STK38L: variants seen among roughly 807,000 people sequenced by gnomAD.
STK38L encodes the protein serine/threonine kinase 38 like.
In STK38L, 28 loss-of-function variants were observed where a neutral mutation model predicts 59.7. The observed-to-expected ratio is 0.47, with a 90% CI of 0.35 to 0.64. STK38L has a LOEUF of 0.64. STK38L is among the 30% of genes least tolerant of loss of function. The pLI is 0.01. For synonymous variants in STK38L, 162 were observed against 176.8 expected (o/e 0.92, Z 0.66); for missense variants, 314 against 555.8 (o/e 0.56, Z 4.37).
chr12:27,319,458 G>A, intron 12 of STK38L, 35 bp downstream of exon 12: 2 of 1,486,866 alleles, frequency 1.3e-6, no homozygotes, highest in Admixed American at 1.9e-5. Flanking sequence ...AAAGGTCTGA[G>A]TAAAAACAAA....
Position 27,322,324 on chromosome 12 carries a change from C to T in STK38L, c.1268-4C>T. On this transcript the variant is annotated splice_region_variant and splice_polypyrimidine_tract_variant and intron_variant, in intron 13 of 13. Transcript: ENST00000389032. ...TGAAATTCCTTTATTTTTTCTCTTTCTAGTGCCAAATACCACAGAACCGGA... is the reference window on the plus strand; with the variant it reads ...TGAAATTCCTTTATTTTTTCTCTTTTTAGTGCCAAATACCACAGAACCGGA... 6.2e-7 allele frequency: 1 copy of T among 1,612,804 alleles called. No homozygotes were observed. Among genetic ancestry groups the T allele is most frequent in the Non-Finnish European group, 8.5e-7 (1 of 1,179,608 alleles).
rs935214327 is a variant in STK38L, at chr12:27,294,347, C to T, written c.-11-3363C>T. Among the ~76,000 whole-genome samples the T allele has an allele frequency of 2.0e-4, 31 of 151,936 alleles. 1 individual carries two copies. The highest frequency in any genetic ancestry group is 3.4e-3 in the Middle Eastern group (1 of 294). On this transcript the variant is annotated intron_variant, in intron 1 of 13. Coordinates refer to ENST00000389032, the MANE Select transcript of STK38L (RefSeq NM_015000.4). ...CCAGCCTGGCCAACTTGGTGAAACC[C>T]CATCTCTACTAAATATACAAACATT...
chr12:27,260,746 C>G (rs989518437), intron 1 of STK38L, among the ~76,000 whole-genome samples: 1 of 152,146 alleles, frequency 6.6e-6, no homozygotes, highest in Non-Finnish European at 1.5e-5. Flanking sequence ...CCTCTCCCAG[C>G]CCCTATACTT....
At chr12:27,321,685 A>G (rs1388679744) in intron 12 of STK38L, among the ~76,000 whole-genome samples, 1 of 152,168 alleles carries the variant, frequency 6.6e-6, no homozygotes, top group Admixed American at 6.6e-5. Context: ...TGCTTAATGG[A>G]TACAAAAAAA....
intron 1 of STK38L, among the ~76,000 whole-genome samples, chr12:27,255,260 G>A (rs947929459): frequency 1.3e-5 from 2 of 152,174 alleles, no homozygotes; most frequent in African/African-American, 4.8e-5. Context: ...CTAACCAAGA[G>A]TGTAACTGGA....
chr12:27,300,453 A>G, intron 2 of STK38L: 1 of 438,130 alleles, frequency 2.3e-6, no homozygotes. Flanking sequence ...GCAATAACTG[A>G]GGAAAGGGAC....
intron 2 of STK38L, among the ~76,000 whole-genome samples, chr12:27,298,919 A>G (rs938020278): frequency 4.6e-5 from 7 of 152,242 alleles, no homozygotes; most frequent in African/African-American, 1.7e-4. Flanking sequence ...CAGAAGAATC[A>G]AATGAAAACA....
At chr12:27,266,795 A>G (rs1388122654) in intron 1 of STK38L, among the ~76,000 whole-genome samples, 1 of 152,202 alleles carries the variant, frequency 6.6e-6, no homozygotes, top group Non-Finnish European at 1.5e-5. Flanking sequence ...TATCTGAAAT[A>G]CAAATCCAAG....
chr12:27,312,451 T>G, intron 5 of STK38L, 98 bp from the exon 6 acceptor site: 2 of 1,312,262 alleles, frequency 1.5e-6, no homozygotes, highest in Non-Finnish European at 2.1e-6. Flanking sequence ...ACTCCATCTT[T>G]CCTTCATTAA....
intron 1 of STK38L, among the ~76,000 whole-genome samples, chr12:27,254,093 T>G (rs898800): frequency 0.078 from 11,819 of 152,234 alleles, 575 homozygotes; most frequent in Middle Eastern, 0.15. Flanking sequence ...AATCCTTTTC[T>G]TTGATGAAGC....
chr12:27,281,365 G>C lies in STK38L; in HGVS notation c.-11-16345G>C, dbSNP rs1332991973. 2.0e-5 allele frequency among the ~76,000 whole-genome samples: 3 copies of C among 149,074 alleles called. 1 individual carries two copies. The highest frequency in any genetic ancestry group is 4.5e-5 in the Non-Finnish European group (3 of 67,174). ...CTCCCAAAGTGCTGGGATTACAGGC[G>C]TGAGCCACCGCGCCCGGCCCGGCTT... On this transcript the variant is annotated intron_variant, in intron 1 of 13. Transcript: ENST00000389032.
At position 27,323,321 on chromosome 12, in the gene STK38L, A is replaced by G. The variant is rs1944773836; in HGVS notation, c.*866A>G. On this transcript the variant is annotated 3_prime_UTR_variant, in exon 14 of 14. Transcript: ENST00000389032. ...GGTGAGTTGAATTTAAGACATGACC[A>G]TGAAGGCTGCTTGTAGAATTAGTGT... is the stretch of plus-strand genomic sequence containing the variant. 1 of 152,492 alleles carries G rather than the reference A, an allele frequency of 6.6e-6. No homozygotes were observed. Among genetic ancestry groups the G allele is most frequent in the African/African-American group, 2.4e-5 (1 of 41,456 alleles). The allele number at this position is 152,492 out of a possible 1,614,324, so 9.4% of individuals were successfully genotyped here. A position where few individuals can be genotyped will look rare whatever the true frequency, so the allele number is the denominator to read the frequency against.
At chr12:27,256,951 G>C (rs11048953) in intron 1 of STK38L, among the ~76,000 whole-genome samples, 3,540 of 152,172 alleles carry the variant, frequency 0.023, 136 homozygotes, top group African/African-American at 0.08. Context: ...AGGAACATAG[G>C]GCTTCTCAGA....
At position 27,277,354 on chromosome 12, in the gene STK38L, A is replaced by AACAC. The variant is rs138808945; in HGVS notation, c.-11-20344_-11-20341dup. 2.6e-3 allele frequency among the ~76,000 whole-genome samples: 389 copies of AACAC among 150,110 alleles called. 2 individuals are homozygous for AACAC. The highest frequency in any genetic ancestry group is 0.02 in the South Asian group (96 of 4,762). The stretch of plus-strand genomic sequence containing the variant: ...ATAGAGCAAGACCTCCATCTCAAAA[A>AACAC]ACACACACACACACAGCAGTAGGAG... On this transcript the variant is annotated intron_variant, in intron 1 of 13. Transcript: ENST00000389032.
intron 11 of STK38L, among the ~76,000 whole-genome samples, chr12:27,318,880 A>T (rs905098172): frequency 6.6e-6 from 1 of 152,308 alleles, no homozygotes; most frequent in South Asian, 2.1e-4. Context: ...AGTCCCAGCT[A>T]CTTGGGAGGC....
At chr12:27,289,427 A>G (rs1943848787) in intron 1 of STK38L, among the ~76,000 whole-genome samples, 1 of 152,244 alleles carries the variant, frequency 6.6e-6, no homozygotes, top group Non-Finnish European at 1.5e-5. Flanking sequence ...TCTGCCATGA[A>G]CATCATTACT....
chr12:27,317,811 T>G (rs1487861348), intron 10 of STK38L, 85 bp from the exon 11 acceptor site: 17 of 1,543,774 alleles, frequency 1.1e-5, no homozygotes, highest in Non-Finnish European at 1.5e-5. Flanking sequence ...CAGGGTTGTT[T>G]GGTTTCTTGT....
At chr12:27,290,083 G>A (rs927163855) in intron 1 of STK38L, among the ~76,000 whole-genome samples, 6 of 152,174 alleles carry the variant, frequency 3.9e-5, no homozygotes, top group Non-Finnish European at 7.4e-5. Flanking sequence ...TATGTGCTAG[G>A]AGATACTTTA....
chr12:27,253,386 A>G (rs966409131), intron 1 of STK38L, among the ~76,000 whole-genome samples: 1 of 152,110 alleles, frequency 6.6e-6, no homozygotes, highest in Non-Finnish European at 1.5e-5. Context: ...TCTAGGTGAT[A>G]ATAATGAAGT....
Sources: gnomAD v4.1 joint callset for allele counts (sites outside exome capture counted in the v4.1 genomes callset) on GRCh38, gnomAD v4.1.1 for gene constraint, MANE v1.5 for transcripts, NCBI Gene and HGNC (gene_info 2026-07-23, HGNC 2026-07-21) for gene names.